Variants in RNF217 observed in about 807,000 individuals in gnomAD.
The protein encoded by RNF217 is ring finger protein 217, also known as E3 ubiquitin-protein ligase RNF217.
A neutral mutation model predicts 57.8 loss-of-function variants in RNF217; 31 were observed. That is an observed-to-expected ratio of 0.54 (90% CI 0.40 to 0.72). RNF217 has a LOEUF of 0.72. Ranked by LOEUF, RNF217 falls within the 30% of genes least tolerant of loss-of-function variation. RNF217 has a pLI of 0.00. For missense variants in RNF217, 696 were observed against 708.3 expected (o/e 0.98, Z 0.20); for synonymous variants, 313 against 294.0 (o/e 1.06, Z -0.66).
At chr6:124,975,299 A>G (rs1040226321) in intron 1 of RNF217, among the ~76,000 whole-genome samples, 2 of 152,116 alleles carry the variant, frequency 1.3e-5, no homozygotes, top group African/African-American at 4.8e-5. Flanking sequence ...CTTGTAAGCC[A>G]TTTTTCCTAA....
At chr6:124,982,541 AAAAAGG>A (rs1784218623) in intron 1 of RNF217, among the ~76,000 whole-genome samples, 1 of 152,160 alleles carries the variant, frequency 6.6e-6, no homozygotes, top group South Asian at 2.1e-4. Flanking sequence ...CCTCCAAAAA[AAAAAGG>A]ATTCCTGCAT....
chr6:125,000,510 A>G (rs1320904543), intron 1 of RNF217, among the ~76,000 whole-genome samples: 1 of 151,968 alleles, frequency 6.6e-6, no homozygotes, highest in Non-Finnish European at 1.5e-5. Context: ...TAAAGAAAAA[A>G]TTATTATTTT....
At chr6:125,039,224 C>T (rs182418104) in intron 1 of RNF217, among the ~76,000 whole-genome samples, 1 of 151,952 alleles carries the variant, frequency 6.6e-6, no homozygotes, top group Non-Finnish European at 1.5e-5. Context: ...TGCATATGTA[C>T]CACATTTTTT....
At chr6:125,037,548 G>A (rs1248339606) in intron 1 of RNF217, among the ~76,000 whole-genome samples, 1 of 152,074 alleles carries the variant, frequency 6.6e-6, no homozygotes, top group African/African-American at 2.4e-5. Context: ...AAGGCATCTA[G>A]CACTAAGCCC....
intron 1 of RNF217, among the ~76,000 whole-genome samples, chr6:125,029,862 G>A (rs981078219): frequency 1.3e-5 from 2 of 152,302 alleles, no homozygotes; most frequent in Admixed American, 1.3e-4. Context: ...GATGACGACA[G>A]CACTGTGTAG....
At chr6:125,063,270 A>T (rs1432054889) in intron 3 of RNF217, among the ~76,000 whole-genome samples, 3 of 152,198 alleles carry the variant, frequency 2.0e-5, no homozygotes, top group Non-Finnish European at 4.4e-5. Context: ...CAAACACAGG[A>T]TTATACGTTA....
chr6:124,982,329 A>G (rs1330736909), intron 1 of RNF217, among the ~76,000 whole-genome samples: 1 of 152,136 alleles, frequency 6.6e-6, no homozygotes, highest in African/African-American at 2.4e-5. Flanking sequence ...GATGGGATTT[A>G]ATTTTTGAAT....
chr6:125,077,167 G>A (rs377475254), intron 4 of RNF217, among the ~76,000 whole-genome samples: 3 of 152,152 alleles, frequency 2.0e-5, no homozygotes, highest in African/African-American at 7.2e-5. Context: ...GCAGTGTCAT[G>A]TATATTTTTG....
chr6:125,011,378 G>C (rs1163356123), intron 1 of RNF217, among the ~76,000 whole-genome samples: 2 of 152,004 alleles, frequency 1.3e-5, no homozygotes, highest in African/African-American at 2.4e-5. Context: ...ATATTCACCT[G>C]GAAAATCAGA....
intron 1 of RNF217, among the ~76,000 whole-genome samples, chr6:124,995,766 A>G (rs1784724338): frequency 6.6e-6 from 1 of 152,018 alleles, no homozygotes; most frequent in African/African-American, 2.4e-5. Context: ...TACTAAAATT[A>G]CAAAAATTAG....
chr6:125,021,859 A>T (rs1785854492), intron 1 of RNF217, among the ~76,000 whole-genome samples: 2 of 151,964 alleles, frequency 1.3e-5, no homozygotes, highest in African/African-American at 4.8e-5. Context: ...CATTCCCAGG[A>T]TTGTCATTAA....
At position 125,089,683 on chromosome 6, in the gene RNF217, AC is replaced by A. The variant is rs1788876471; in HGVS notation, c.*6750del. 6.6e-6 allele frequency: 1 copy of A among 152,062 alleles called. No individual in the cohort carries two copies. Among genetic ancestry groups the A allele is most frequent in the Non-Finnish European group, 1.5e-5 (1 of 68,004 alleles). The allele number at this position is 152,062 out of a possible 1,614,324, so 9.4% of individuals were successfully genotyped here. On this transcript the variant is annotated 3_prime_UTR_variant, in exon 6 of 6. Coordinates refer to ENST00000521654, the MANE Select transcript of RNF217 (RefSeq NM_001286398.3). ...GAGAGACAGACTTGAGTGTTAAAGG[AC>A]CCCAGAAATTGCTGAAATGTCCTTT...
At chr6:124,998,587 CAGG>C (rs1329693155) in intron 1 of RNF217, among the ~76,000 whole-genome samples, 1 of 152,156 alleles carries the variant, frequency 6.6e-6, no homozygotes, top group Non-Finnish European at 1.5e-5. Context: ...ATCATGAGGT[CAGG>C]AGATCAAGAC....
chr6:125,028,948 A>G (rs1262127229), intron 1 of RNF217, among the ~76,000 whole-genome samples: 1 of 152,098 alleles, frequency 6.6e-6, no homozygotes, highest in Admixed American at 6.6e-5. Flanking sequence ...GATCTATCTC[A>G]GTTGTAACAT....
chr6:125,078,404 C>T (rs1424668110), intron 4 of RNF217, among the ~76,000 whole-genome samples: 1 of 152,064 alleles, frequency 6.6e-6, no homozygotes, highest in Non-Finnish European at 1.5e-5. Flanking sequence ...TGTTTCCGTC[C>T]ATTCTTTATT....
At chr6:125,077,267 A>G (rs778326148) in intron 4 of RNF217, among the ~76,000 whole-genome samples, 2 of 152,158 alleles carry the variant, frequency 1.3e-5, no homozygotes, top group African/African-American at 2.4e-5. Context: ...AGCGTAGCCT[A>G]GGAAGGCAGG....
At chr6:124,998,916 A>T (rs1784860054) in intron 1 of RNF217, among the ~76,000 whole-genome samples, 1 of 152,358 alleles carries the variant, frequency 6.6e-6, no homozygotes, top group Non-Finnish European at 1.5e-5. Flanking sequence ...AATGCCTTAC[A>T]TGTAATAGGC....
intron 1 of RNF217, among the ~76,000 whole-genome samples, chr6:125,024,439 C>A (rs976966986): frequency 5.3e-5 from 8 of 151,790 alleles, no homozygotes; most frequent in African/African-American, 1.9e-4. Flanking sequence ...AAAAATTAGC[C>A]AGGCATGGTG....
At chr6:124,971,045 T>C (rs758501293) in intron 1 of RNF217, among the ~76,000 whole-genome samples, 5 of 152,188 alleles carry the variant, frequency 3.3e-5, no homozygotes, top group Non-Finnish European at 5.9e-5. Flanking sequence ...ATTCTGTTTT[T>C]GTACTGCAGG....
Sources: gnomAD v4.1 joint callset for allele counts (sites outside exome capture counted in the v4.1 genomes callset) on GRCh38, gnomAD v4.1.1 for gene constraint, MANE v1.5 for transcripts, NCBI Gene and HGNC (gene_info 2026-07-23, HGNC 2026-07-21) for gene names.